PIK3R4: variants seen among roughly 807,000 people sequenced by gnomAD.
PIK3R4 encodes the protein phosphoinositide-3-kinase regulatory subunit 4.
A neutral mutation model predicts 136.5 loss-of-function variants in PIK3R4; 46 were observed. That is an observed-to-expected ratio of 0.34 (90% CI 0.27 to 0.43). The LOEUF (loss-of-function observed/expected upper bound fraction) is 0.43. Among genes scored for constraint, PIK3R4 ranks in the 20% least tolerant of loss-of-function variants. The pLI is 1.00. For missense variants in PIK3R4, 1,331 were observed against 1,649.5 expected (o/e 0.81, Z 3.35); for synonymous variants, 557 against 566.7 (o/e 0.98, Z 0.24).
chr3:130,706,809 C>A, intron 11 of PIK3R4, 139 bp downstream of exon 11: 1 of 526,114 alleles, frequency 1.9e-6, no homozygotes, highest in Non-Finnish European at 3.2e-6. Context: ...ATAAACCTGT[C>A]TTAGAAAGAA....
chr3:130,689,671 C>T (rs1191140798), intron 14 of PIK3R4, among the ~76,000 whole-genome samples: 1 of 152,194 alleles, frequency 6.6e-6, no homozygotes, highest in Non-Finnish European at 1.5e-5. Context: ...CTCCACCTGG[C>T]CCTTCTTAAC....
At chr3:130,704,798 G>A (rs2066597583) in intron 12 of PIK3R4, among the ~76,000 whole-genome samples, 1 of 151,804 alleles carries the variant, frequency 6.6e-6, no homozygotes, top group Non-Finnish European at 1.5e-5. Flanking sequence ...AGGGTTAGAG[G>A]TGATGTTGTT....
intron 13 of PIK3R4, among the ~76,000 whole-genome samples, 158 bp from the exon 14 acceptor site, chr3:130,690,812 C>G (rs1006867506): frequency 6.6e-6 from 1 of 151,886 alleles, no homozygotes; most frequent in Non-Finnish European, 1.5e-5. Flanking sequence ...AGAACTGTTA[C>G]AAAAATTGCC....
intron 6 of PIK3R4, 62 bp downstream of exon 6, chr3:130,728,401 G>T: frequency 1.0e-6 from 1 of 970,892 alleles, no homozygotes; most frequent in Non-Finnish European, 1.5e-6. Flanking sequence ...CCTTCAGATT[G>T]CATGGAAGTA....
chr3:130,740,855 T>C (rs1301490004), intron 2 of PIK3R4, among the ~76,000 whole-genome samples: 6 of 152,146 alleles, frequency 3.9e-5, no homozygotes, highest in African/African-American at 1.2e-4. Flanking sequence ...AAGAAAACGA[T>C]ACCAATGATA....
chr3:130,724,092 T>G (rs2066718690), intron 6 of PIK3R4, among the ~76,000 whole-genome samples: 1 of 152,092 alleles, frequency 6.6e-6, no homozygotes, highest in South Asian at 2.1e-4. Flanking sequence ...TAGAAATCAG[T>G]CAGCCCAGAT....
chr3:130,688,489 T>C (rs1211893096), intron 14 of PIK3R4, among the ~76,000 whole-genome samples: 2 of 152,226 alleles, frequency 1.3e-5, no homozygotes, highest in Non-Finnish European at 2.9e-5. Flanking sequence ...TCTTTCCCCT[T>C]ACATCCTGGT....
intron 9 of PIK3R4, among the ~76,000 whole-genome samples, chr3:130,709,362 AT>A (rs1186349139): frequency 6.6e-6 from 1 of 152,154 alleles, no homozygotes; most frequent in Non-Finnish European, 1.5e-5. Context: ...AAAAACATTC[AT>A]TTAATAAAAT....
chr3:130,679,527 C>A, intron 19 of PIK3R4, 42 bp from the exon 20 acceptor site: 1 of 1,464,720 alleles, frequency 6.8e-7, no homozygotes, highest in South Asian at 1.2e-5. Flanking sequence ...GGTTAAAAGT[C>A]TGTACCACAT....
chr3:130,722,787 T>C (rs1403943137), intron 7 of PIK3R4, among the ~76,000 whole-genome samples: 8 of 151,520 alleles, frequency 5.3e-5, no homozygotes, highest in Non-Finnish European at 1.2e-4. Flanking sequence ...CCAGGAGCGG[T>C]GGCTCGTGCC....
chr3:130,697,063 C>CTTTTTTT lies in PIK3R4; in HGVS notation c.3099-6416_3099-6410dup, dbSNP rs60432343. On this transcript the variant is annotated intron_variant, in intron 13 of 19. Transcript: ENST00000356763. ...TTCTATCTGACATTGGCCACTCCAG[C>CTTTTTTT]TTTTTTTTTTTTTTTTTTTTTTTTT... is the stretch of plus-strand genomic sequence containing the variant. Among the ~76,000 whole-genome samples, 60 of 73,066 alleles carry CTTTTTTT rather than the reference C, an allele frequency of 8.2e-4. 1 individual carries two copies. The highest frequency in any genetic ancestry group is 1.1e-3 in the African/African-American group (17 of 15,968). 47.9% of individuals were successfully genotyped at this position (73,066 alleles called of 152,430 possible).
chr3:130,733,951 A>G lies in PIK3R4; in HGVS notation c.1047T>C (p.Asp349=). 1 of 1,614,134 alleles carries G rather than the reference A, an allele frequency of 6.2e-7. No homozygotes were observed. Among genetic ancestry groups the G allele is most frequent in the Non-Finnish European group, 8.5e-7 (1 of 1,180,020 alleles). The change falls in exon 4 of 20, where the codon GAT becomes GAC. Residue 349 remains aspartate, a synonymous_variant. Coordinates refer to ENST00000356763, the MANE Select transcript of PIK3R4 (RefSeq NM_014602.3). ...AGAGATTGTGAATAATGTTGCCCAAATCCTTCCGTATAACCAGAATACGCT... is the reference window on the plus strand; with the variant it reads ...AGAGATTGTGAATAATGTTGCCCAAGTCCTTCCGTATAACCAGAATACGCT... The part of the protein sequence containing the change: ...ADERILVIRK[D]LGNIIHNLCG...
In PIK3R4 at chr3:130,708,433, A is replaced by G; in HGVS notation, c.2391T>C (p.Ser797=). 3 of 1,613,748 alleles carry G rather than the reference A, an allele frequency of 1.9e-6. No homozygotes were observed. In the South Asian group the frequency reaches 3.3e-5, roughly 18 times the overall value. Residue 797 remains serine (S), a synonymous_variant, in exon 10 of 20, where the codon TCT becomes TCC. Transcript: ENST00000356763. Reference sequence around the variant, plus strand: ...CCACTATATTGGCCTTTGCTTTATTAGATTTCATCATGAAGTCTTTCAGTG... The same window carrying G: ...CCACTATATTGGCCTTTGCTTTATTGGATTTCATCATGAAGTCTTTCAGTG... ...LLALKDFMMK[S]NKAKANIVDQ...
chr3:130,708,187 A>T, intron 10 of PIK3R4, 104 bp downstream of exon 10: 1 of 905,932 alleles, frequency 1.1e-6, no homozygotes, highest in Non-Finnish European at 1.7e-6. Flanking sequence ...TAAGTTCTTT[A>T]TCTGTGAAAT....
At chr3:130,699,450 T>A (rs1344966977) in intron 13 of PIK3R4, among the ~76,000 whole-genome samples, 1 of 152,186 alleles carries the variant, frequency 6.6e-6, no homozygotes, top group African/African-American at 2.4e-5. Flanking sequence ...GGGCTAGTTT[T>A]CATAACTACC....
chr3:130,726,185 C>T (rs958499885), intron 6 of PIK3R4, among the ~76,000 whole-genome samples: 11 of 151,326 alleles, frequency 7.3e-5, no homozygotes, highest in African/African-American at 2.7e-4. Context: ...TTTAAATATC[C>T]AAAAGGGTTA....
rs527279265 is a variant in PIK3R4 at position 130,740,687 on chromosome 3, G to A, written c.733+3799C>T. The stretch of plus-strand genomic sequence containing the variant: ...GGAAGTTGCAATGAGCCAAGATCGC[G>A]CCACTGCACTCCAGCCTGGGTGACA... On this transcript the variant is annotated intron_variant, in intron 2 of 19. Coordinates refer to ENST00000356763, the MANE Select transcript of PIK3R4 (RefSeq NM_014602.3). Among the ~76,000 whole-genome samples, 115 of 152,084 alleles carry A rather than the reference G, an allele frequency of 7.6e-4. 1 individual carries two copies. Among genetic ancestry groups the A allele is most frequent in the African/African-American group, 2.6e-3 (107 of 41,476 alleles).
chr3:130,728,510 T>C lies in PIK3R4; in HGVS notation c.1760A>G (p.Asp587Gly). 6.2e-7 allele frequency: 1 copy of C among 1,613,556 alleles called. No homozygotes were observed. Among genetic ancestry groups the C allele is most frequent in the Non-Finnish European group, 8.5e-7 (1 of 1,179,756 alleles). Residue 587 changes from aspartate (D) to glycine (G), a missense_variant, in exon 6 of 20, where the codon GAT becomes GGT. Physicochemically the swap from Asp to Gly is moderately conservative, Grantham distance 94. This residue lies in a region of PIK3R4 where 1,180 missense variants were observed against 1,407.0 expected (regional missense o/e 0.84). Coordinates refer to ENST00000356763, the MANE Select transcript of PIK3R4 (RefSeq NM_014602.3). ...TCCACGTAGATGCCAATCATTCTTA[T>C]CATTTAGGAAAGTAATCATGTGGGA... ...LLSHMITFLNDKNDWHLRGAF... is the reference protein window; with the variant it reads ...LLSHMITFLNGKNDWHLRGAF...
chr3:130,745,477 T>A (rs1424469062), intron 1 of PIK3R4, among the ~76,000 whole-genome samples: 1 of 152,204 alleles, frequency 6.6e-6, no homozygotes, highest in Non-Finnish European at 1.5e-5. Context: ...GACCTTGTTA[T>A]TTTACCTAAA....
Sources: allele counts gnomAD v4.1 joint callset (sites outside exome capture counted in the v4.1 genomes callset), GRCh38; gene constraint gnomAD v4.1.1; regional missense constraint gnomAD v4.1.1; transcripts MANE v1.5; gene names NCBI Gene and HGNC (gene_info 2026-07-23, HGNC 2026-07-21).